SEL1L2: variants seen among roughly 807,000 people sequenced by gnomAD.
SEL1L2 encodes the protein SEL1L2 adaptor subunit of SYVN1 ubiquitin ligase.
A neutral mutation model predicts 98.8 loss-of-function variants in SEL1L2; 89 were observed. The observed-to-expected ratio is 0.90, with a 90% CI of 0.76 to 1.07. SEL1L2 has a LOEUF of 1.07. SEL1L2 is among the 50% of genes least tolerant of loss of function. The pLI is 0.00. For missense variants in SEL1L2, 788 were observed against 812.0 expected (o/e 0.97, Z 0.36); for synonymous variants, 262 against 278.5 (o/e 0.94, Z 0.59).
At chr20:13,960,667 C>T (rs2050736743) in intron 1 of SEL1L2, among the ~76,000 whole-genome samples, 2 of 152,100 alleles carry the variant, frequency 1.3e-5, no homozygotes, top group South Asian at 2.1e-4. Context: ...TAGCTTGTTT[C>T]GTACCACTTG....
In SEL1L2 at chr20:13,865,227, G is replaced by A. The variant is rs1367145219; in HGVS notation, c.1585C>T (p.Leu529Phe). 3 of 1,613,566 alleles carry A rather than the reference G, an allele frequency of 1.9e-6. No individual in the cohort carries two copies. Among genetic ancestry groups the A allele is most frequent in the Non-Finnish European group, 2.5e-6 (3 of 1,179,600 alleles). Reference protein sequence around the residue: ...FILESKKANILEKEKMYPMAL... With the variant: ...FILESKKANIFEKEKMYPMAL... ...ATTGGATACATCTTCTCTTTTTCAA[G>A]AATGTTAGCCTTTTCTAAAAAGAGG... The change falls in exon 17 of 20, where the codon CTT (leucine) becomes TTT (phenylalanine). Residue 529 changes from leucine (L) to phenylalanine (F), a missense_variant. Transcript: ENST00000284951.
chr20:13,902,041 G>C (rs944712142), intron 5 of SEL1L2, among the ~76,000 whole-genome samples: 1 of 152,116 alleles, frequency 6.6e-6, no homozygotes, highest in Non-Finnish European at 1.5e-5. Flanking sequence ...GTAATTTCTG[G>C]GTTGTCAGCT....
At chr20:13,981,013 C>T (rs375990049) in intron 1 of SEL1L2, among the ~76,000 whole-genome samples, 57 of 152,244 alleles carry the variant, frequency 3.7e-4, no homozygotes, top group Admixed American at 9.8e-4. Flanking sequence ...GAGGCCAAGG[C>T]GGGTGGATCA....
chr20:13,912,407 C>T (rs1011531019), intron 5 of SEL1L2, among the ~76,000 whole-genome samples: 2 of 150,988 alleles, frequency 1.3e-5, no homozygotes, highest in African/African-American at 4.9e-5. Context: ...AAGCAATTCT[C>T]CTCCTCAGCC....
chr20:13,859,968 TGCTGG>T (rs1212950722), intron 17 of SEL1L2, among the ~76,000 whole-genome samples: 10 of 152,356 alleles, frequency 6.6e-5, no homozygotes, highest in Middle Eastern at 3.4e-3. Context: ...CCTCCCAAAG[TGCTGG>T]GATTACAGGC....
At chr20:13,973,603 C>T (rs1234381541) in intron 1 of SEL1L2, among the ~76,000 whole-genome samples, 1 of 152,216 alleles carries the variant, frequency 6.6e-6, no homozygotes, top group Non-Finnish European at 1.5e-5. Flanking sequence ...CAGTAGCATC[C>T]TATGTCTCTG....
At chr20:13,978,381 AG>A (rs1287163233) in intron 1 of SEL1L2, among the ~76,000 whole-genome samples, 1 of 152,258 alleles carries the variant, frequency 6.6e-6, no homozygotes, top group Non-Finnish European at 1.5e-5. Context: ...TAAACACAAT[AG>A]AATAGCTCTA....
At chr20:13,898,643 T>A (rs1453243919) in intron 5 of SEL1L2, among the ~76,000 whole-genome samples, 5 of 152,168 alleles carry the variant, frequency 3.3e-5, no homozygotes, top group Non-Finnish European at 7.3e-5. Flanking sequence ...CCAGGCTTGT[T>A]CTCCTCCTGT....
intron 2 of SEL1L2, among the ~76,000 whole-genome samples, chr20:13,933,037 G>A (rs1401504337): frequency 6.6e-6 from 1 of 151,746 alleles, no homozygotes; most frequent in East Asian, 1.9e-4. Flanking sequence ...GTGAAACCCC[G>A]TCTCTACTAA....
chr20:13,929,132 G>A (rs1341141961), intron 3 of SEL1L2, among the ~76,000 whole-genome samples: 1 of 152,180 alleles, frequency 6.6e-6, no homozygotes, highest in Admixed American at 6.5e-5. Context: ...TTCAGCTCAT[G>A]CCCAAGAGCT....
intron 5 of SEL1L2, among the ~76,000 whole-genome samples, chr20:13,906,387 A>G (rs2047931486): frequency 6.6e-6 from 1 of 152,184 alleles, no homozygotes; most frequent in Non-Finnish European, 1.5e-5. Flanking sequence ...AGGAGAAAAA[A>G]GATTAAGCAA....
At chr20:13,981,186 G>A (rs1281043977) in intron 1 of SEL1L2, among the ~76,000 whole-genome samples, 1 of 152,112 alleles carries the variant, frequency 6.6e-6, no homozygotes, top group Non-Finnish European at 1.5e-5. Flanking sequence ...AGGTTGCAGT[G>A]AGCCGAGATC....
At chr20:13,991,813 C>T (rs545989691), upstream of SEL1L2, among the ~76,000 whole-genome samples, 126 of 152,058 alleles carry the variant, frequency 8.3e-4, 1 homozygote, top group Middle Eastern at 3.4e-3. Context: ...ACCACCATGG[C>T]GAAACCCCGT....
chr20:13,850,075 C>A, intron 19 of SEL1L2, 116 bp downstream of exon 19: 2 of 1,193,642 alleles, frequency 1.7e-6, no homozygotes, highest in Non-Finnish European at 2.4e-6. Context: ...CTGAATTTTA[C>A]TTCTCAAAGG....
intron 1 of SEL1L2, among the ~76,000 whole-genome samples, chr20:13,987,314 T>C (rs1321634594): frequency 1.2e-4 from 2 of 17,126 alleles, no homozygotes; most frequent in African/African-American, 5.2e-4. Context: ...ATTTACTGTT[T>C]TTTTTTTTTT....
intron 1 of SEL1L2, among the ~76,000 whole-genome samples, chr20:13,968,900 G>T (rs1215220936): frequency 1.3e-5 from 2 of 152,130 alleles, no homozygotes; most frequent in African/African-American, 4.8e-5. Context: ...TGTATTTCTT[G>T]CTTGCTCAAA....
rs539920643 is a variant in SEL1L2 at position 13,983,357 on chromosome 20, C to A, written c.58+7120G>T. Among the ~76,000 whole-genome samples the A allele has an allele frequency of 2.6e-5, 4 of 152,010 alleles. No homozygotes were observed. In the East Asian group the frequency reaches 7.7e-4, roughly 29 times the overall value. On this transcript the variant is annotated intron_variant, in intron 1 of 19. Coordinates refer to ENST00000284951, the MANE Select transcript of SEL1L2 (RefSeq NM_025229.2). Reference sequence around the variant, plus strand: ...AAAAAATGAATAAAAAGGCAACATGCAAGCTTGCAAGGTGTATCTGAATGA... The same window carrying A: ...AAAAAATGAATAAAAAGGCAACATGAAAGCTTGCAAGGTGTATCTGAATGA...
At chr20:13,892,732 T>C (rs2047259222) in intron 5 of SEL1L2, among the ~76,000 whole-genome samples, 1 of 152,186 alleles carries the variant, frequency 6.6e-6, no homozygotes, top group Non-Finnish European at 1.5e-5. Flanking sequence ...TAAAAAGATA[T>C]AGAGTGACTG....
At chr20:13,967,561 C>A (rs535700704) in intron 1 of SEL1L2, among the ~76,000 whole-genome samples, 16 of 152,282 alleles carry the variant, frequency 1.1e-4, no homozygotes, top group African/African-American at 3.4e-4. Flanking sequence ...TCACAAGAAC[C>A]TTTCCCTACT....
Sources: allele counts gnomAD v4.1 joint callset (sites outside exome capture counted in the v4.1 genomes callset), GRCh38; gene constraint gnomAD v4.1.1; transcripts MANE v1.5; gene names NCBI Gene and HGNC (gene_info 2026-07-23, HGNC 2026-07-21).